AFG1L: variants seen among roughly 807,000 people sequenced by gnomAD.
AFG1L encodes AFG1-like ATPase.
AFG1L carries 53 observed loss-of-function variants against 62.2 expected under a neutral mutation model. The ratio of observed to expected loss-of-function variants is 0.85; its 90% confidence interval spans 0.68 to 1.07. AFG1L has a LOEUF of 1.07. Among genes scored for constraint, AFG1L ranks in the 50% least tolerant of loss-of-function variants. AFG1L has a pLI of 0.00. For missense variants in AFG1L, 555 were observed against 590.5 expected, an observed-to-expected ratio of 0.94 and a Z score of 0.62; for synonymous variants, 228 against 210.3, an observed-to-expected ratio of 1.08 and a Z score of -0.73.
chr6:108,486,880 T>A (rs556843373), intron 10 of AFG1L, among the ~76,000 whole-genome samples: 1 of 152,188 alleles, frequency 6.6e-6, no homozygotes, highest in South Asian at 2.1e-4. Context: ...AATTTTAGTA[T>A]TTTTAGTAGA....
At chr6:108,422,228 C>A (rs1770622760) in intron 7 of AFG1L, among the ~76,000 whole-genome samples, 1 of 151,626 alleles carries the variant, frequency 6.6e-6, no homozygotes, top group South Asian at 2.1e-4. Context: ...GAACCTGTGT[C>A]CAGAATAGTT....
At chr6:108,462,534 C>G (rs925774698) in intron 8 of AFG1L, among the ~76,000 whole-genome samples, 10 of 152,166 alleles carry the variant, frequency 6.6e-5, no homozygotes, top group Non-Finnish European at 1.3e-4. Flanking sequence ...ATTAATTTCA[C>G]TATTTGAAAC....
In AFG1L at chr6:108,500,169, TGC is replaced by T. The variant is rs1390688616; in HGVS notation, c.1063-10041_1063-10040del. Among the ~76,000 whole-genome samples, 1,030 of 120,868 alleles carry T rather than the reference TGC, an allele frequency of 8.5e-3. 17 individuals carry two copies. The highest frequency in any genetic ancestry group is 0.029 in the African/African-American group (869 of 30,400). 79.3% of individuals were successfully genotyped at this position (120,868 alleles called of 152,430 possible). On this transcript the variant is annotated intron_variant, in intron 10 of 12. Coordinates refer to ENST00000368977, the MANE Select transcript of AFG1L (RefSeq NM_145315.5). ...TGGCTGTGTAGTATTCCATGGTGCGTGCGTGTGTGTGTGTGTGTGTGTGTGTG... is the reference window on the plus strand; with the variant it reads ...TGGCTGTGTAGTATTCCATGGTGCGTGTGTGTGTGTGTGTGTGTGTGTGTG...
intron 7 of AFG1L, among the ~76,000 whole-genome samples, chr6:108,408,596 G>A (rs535340353): frequency 6.6e-6 from 1 of 152,272 alleles, no homozygotes; most frequent in East Asian, 1.9e-4. Flanking sequence ...GAAAGCCAGG[G>A]AATATGGCCA....
chr6:108,497,511 C>G (rs551533691), intron 10 of AFG1L, among the ~76,000 whole-genome samples: 54 of 151,924 alleles, frequency 3.6e-4, no homozygotes, highest in African/African-American at 1.3e-3. Context: ...TCAGTTTGCT[C>G]TCTCCCTGCA....
In AFG1L at chr6:108,402,044, C is replaced by G; in HGVS notation, c.797C>G (p.Ala266Gly). 6.6e-7 allele frequency: 1 copy of G among 1,503,992 alleles called. No homozygotes were observed. The highest frequency in any genetic ancestry group is 9.0e-7 in the Non-Finnish European group (1 of 1,116,362). 93.2% of individuals were successfully genotyped at this position (1,503,992 alleles called of 1,614,324 possible). Residue 266 changes from alanine to glycine, a missense_variant, in exon 7 of 13, where the codon GCA becomes GGA. By Grantham distance (60) the Ala-to-Gly change is moderately conservative (BLOSUM62 0). Transcript: ENST00000368977. ...AGAGCTAACTTTGTACCATTCATAG[C>G]AGTCTTGAAGGTAAAAACAAATCAT... ...LQRANFVPFI[A>G]VLKEYCNTVQ...
At chr6:108,480,916 C>A (rs1232005381) in intron 10 of AFG1L, among the ~76,000 whole-genome samples, 1 of 152,242 alleles carries the variant, frequency 6.6e-6, no homozygotes, top group African/African-American at 2.4e-5. Flanking sequence ...GGGGAACAGA[C>A]ATCCTCCAGT....
At chr6:108,454,809 C>T (rs891666377) in intron 8 of AFG1L, among the ~76,000 whole-genome samples, 43 of 152,110 alleles carry the variant, frequency 2.8e-4, no homozygotes, top group Admixed American at 2.3e-3. Flanking sequence ...CATGCCACCA[C>T]GCCCAGCTAA....
At chr6:108,319,277 G>A (rs1777723094) in intron 1 of AFG1L, among the ~76,000 whole-genome samples, 2 of 152,032 alleles carry the variant, frequency 1.3e-5, no homozygotes, top group Admixed American at 6.6e-5. Flanking sequence ...GTCTCGTTCT[G>A]TCACCCAGAC....
At chr6:108,411,080 C>T (rs1782087055) in intron 7 of AFG1L, among the ~76,000 whole-genome samples, 1 of 152,194 alleles carries the variant, frequency 6.6e-6, no homozygotes, top group Non-Finnish European at 1.5e-5. Context: ...CTGCGCTTTT[C>T]CAACGGCCTT....
chr6:108,424,833 G>A (rs542949626), intron 7 of AFG1L, among the ~76,000 whole-genome samples: 1 of 152,218 alleles, frequency 6.6e-6, no homozygotes, highest in East Asian at 1.9e-4. Context: ...ACTCCTGTAT[G>A]TGTTTACAAG....
chr6:108,380,529 A>T (rs1650398463), intron 6 of AFG1L, among the ~76,000 whole-genome samples: 1 of 152,144 alleles, frequency 6.6e-6, no homozygotes, highest in African/African-American at 2.4e-5. Flanking sequence ...GACAGGGGAG[A>T]GCACAATTCC....
chr6:108,369,446 A>T (rs1180648650), intron 6 of AFG1L, among the ~76,000 whole-genome samples: 2 of 152,124 alleles, frequency 1.3e-5, no homozygotes, highest in Non-Finnish European at 2.9e-5. Flanking sequence ...TTTTTGCCTT[A>T]TGGTCATCAC....
chr6:108,497,027 T>C (rs1265748782), intron 10 of AFG1L, among the ~76,000 whole-genome samples: 1 of 152,178 alleles, frequency 6.6e-6, no homozygotes, highest in African/African-American at 2.4e-5. Flanking sequence ...TTAAAGTTGC[T>C]TTTTGGTGAC....
At chr6:108,380,029 C>T (rs1354754094) in intron 6 of AFG1L, among the ~76,000 whole-genome samples, 1 of 152,054 alleles carries the variant, frequency 6.6e-6, no homozygotes, top group African/African-American at 2.4e-5. Flanking sequence ...CAGAGAGGGC[C>T]CCCGTGCACC....
intron 7 of AFG1L, among the ~76,000 whole-genome samples, chr6:108,443,347 C>T (rs754441150): frequency 2.1e-4 from 32 of 152,094 alleles, no homozygotes; most frequent in Admixed American, 1.5e-3. Context: ...TTCAGAGTTC[C>T]GGAGCAAGCA....
At chr6:108,516,122 A>G (rs1229443378) in intron 11 of AFG1L, among the ~76,000 whole-genome samples, 3 of 152,338 alleles carry the variant, frequency 2.0e-5, no homozygotes, top group Non-Finnish European at 4.4e-5. Context: ...ATCAATAGAA[A>G]AAGAGGGAAT....
chr6:108,301,170 C>T (rs554287397), intron 1 of AFG1L, among the ~76,000 whole-genome samples: 5 of 152,258 alleles, frequency 3.3e-5, no homozygotes, highest in South Asian at 2.1e-4. Context: ...TCACTCTCAT[C>T]GCCATCTTGG....
chr6:108,389,053 G>A (rs1780918320), intron 6 of AFG1L, among the ~76,000 whole-genome samples: 1 of 152,132 alleles, frequency 6.6e-6, no homozygotes, highest in African/African-American at 2.4e-5. Context: ...TTATGAATCT[G>A]GGTGCTCCTG....
Sources: allele counts gnomAD v4.1 joint callset (sites outside exome capture counted in the v4.1 genomes callset), GRCh38; gene constraint gnomAD v4.1.1; transcripts MANE v1.5; gene names NCBI Gene and HGNC (gene_info 2026-07-23, HGNC 2026-07-21).